DMXL1: variants seen among roughly 807,000 people sequenced by gnomAD.
The protein encoded by DMXL1 is Dmx like 1, also known as dmX-like protein 1.
Under a neutral mutation model 319.2 loss-of-function variants are expected in DMXL1, and 99 were observed. The observed-to-expected ratio is 0.31, with a 90% confidence interval of 0.26 to 0.37. DMXL1 has a LOEUF of 0.37. DMXL1 is among the 10% of genes least tolerant of loss of function. The probability of loss-of-function intolerance (pLI) is 1.00; values close to 1 mark genes in which losing one functional copy is unlikely to be tolerated. For missense variants in DMXL1, 3,745 were observed against 3,595.6 expected, an observed-to-expected ratio of 1.04 and a Z score of -1.06; for synonymous variants, 1,385 against 1,235.2, an observed-to-expected ratio of 1.12 and a Z score of -2.54.
chr5:119,101,305 GT>G (rs905538521), intron 2 of DMXL1, among the ~76,000 whole-genome samples: 11 of 149,126 alleles, frequency 7.4e-5, no homozygotes, highest in South Asian at 4.2e-4. Context: ...TACATCATAT[GT>G]TTTTTTTTCT....
intron 38 of DMXL1, among the ~76,000 whole-genome samples, chr5:119,226,658 A>G (rs1413318159): frequency 6.6e-6 from 1 of 152,130 alleles, no homozygotes; most frequent in African/African-American, 2.4e-5. Flanking sequence ...CTACAGGTTA[A>G]GGGCTCAGTC....
At position 119,150,424 on chromosome 5, in the gene DMXL1, A is replaced by G. The variant is rs755961985; in HGVS notation, c.4594+3A>G. 2.4e-5 allele frequency: 38 copies of G among 1,607,200 alleles called. No homozygotes were observed. The highest frequency in any genetic ancestry group is 3.1e-5 in the Non-Finnish European group (36 of 1,177,478). Reference sequence around the variant, plus strand: ...AGAAAGCCGAGACAGAAGCCAAGGTAAAACTAAACTCCGTACTGATAACAT... The same window carrying G: ...AGAAAGCCGAGACAGAAGCCAAGGTGAAACTAAACTCCGTACTGATAACAT... On this transcript the variant is annotated splice_donor_region_variant and intron_variant, in intron 18 of 43. Coordinates refer to ENST00000539542, the MANE Select transcript of DMXL1 (RefSeq NM_001290321.3).
intron 13 of DMXL1, among the ~76,000 whole-genome samples, chr5:119,141,509 C>G (rs971868115): frequency 1.3e-5 from 2 of 151,958 alleles, no homozygotes; most frequent in African/African-American, 4.8e-5. Flanking sequence ...CCAACTGCCA[C>G]AAAAAGAATA....
intron 32 of DMXL1, among the ~76,000 whole-genome samples, 177 bp downstream of exon 32, chr5:119,198,133 C>G (rs10900728): frequency 0.48 from 72,505 of 151,820 alleles, 19,214 homozygotes; most frequent in East Asian, 0.95. Context: ...GGATTACAGG[C>G]GCCTGCCACC....
At chr5:119,153,582 C>T (rs915398012) in intron 19 of DMXL1, among the ~76,000 whole-genome samples, 4 of 152,228 alleles carry the variant, frequency 2.6e-5, no homozygotes, top group Admixed American at 2.6e-4. Context: ...CCTTCTCATC[C>T]TGTCCCCAGC....
At chr5:119,224,061 C>G (rs1036388014) in intron 37 of DMXL1, among the ~76,000 whole-genome samples, 1 of 151,980 alleles carries the variant, frequency 6.6e-6, no homozygotes, top group African/African-American at 2.4e-5. Flanking sequence ...TTTCTCTGGC[C>G]TAGTCTCTGT....
intron 4 of DMXL1, among the ~76,000 whole-genome samples, chr5:119,107,905 C>A (rs570788335): frequency 1.3e-5 from 2 of 152,252 alleles, no homozygotes; most frequent in African/African-American, 4.8e-5. Flanking sequence ...CTAATCCTTA[C>A]AACAACTGTA....
rs1191269670 is a variant in DMXL1, at chr5:119,248,422, G to C, written c.*1203G>C. On this transcript the variant is annotated 3_prime_UTR_variant, in exon 44 of 44. Coordinates refer to ENST00000539542, the MANE Select transcript of DMXL1 (RefSeq NM_001290321.3). Reference sequence around the variant, plus strand: ...TGCTAACCCTGTTTCTGTCTGTTTTGTGCTGTACCTTTTCTGATTCAGAAT... The same window carrying C: ...TGCTAACCCTGTTTCTGTCTGTTTTCTGCTGTACCTTTTCTGATTCAGAAT... 1 of 152,318 alleles carries C rather than the reference G, an allele frequency of 6.6e-6. No homozygotes were observed. The highest frequency in any genetic ancestry group is 1.5e-5 in the Non-Finnish European group (1 of 67,896). 9.4% of individuals were successfully genotyped at this position (152,318 alleles called of 1,614,324 possible).
At position 119,132,955 on chromosome 5, in the gene DMXL1, A is replaced by G. The variant is rs967976478; in HGVS notation, c.1316-177A>G. ...TACTGGTTTACTTAAAGTATATTGC[A>G]AAGAATACGGATAAAGAGATGTGTA... On this transcript the variant is annotated intron_variant, in intron 10 of 43. Coordinates refer to ENST00000539542, the MANE Select transcript of DMXL1 (RefSeq NM_001290321.3). The G allele has an allele frequency of 1.2e-5, 8 of 641,792 alleles. No individual in the cohort carries two copies. The African/African-American group carries it at 1.3e-4, about 10-fold the overall frequency. The allele number at this position is 641,792 out of a possible 1,614,324, so 39.8% of individuals were successfully genotyped here.
At chr5:119,124,955 A>T (rs1298426068) in intron 9 of DMXL1, among the ~76,000 whole-genome samples, 1 of 152,232 alleles carries the variant, frequency 6.6e-6, no homozygotes, top group Non-Finnish European at 1.5e-5. Context: ...ACAGAGCTAC[A>T]AATTATAGAC....
At chr5:119,234,664 T>TGTTCAACCAAA in intron 39 of DMXL1, among the ~76,000 whole-genome samples, 2 of 152,172 alleles carry the variant, frequency 1.3e-5, no homozygotes, top group African/African-American at 2.4e-5. Flanking sequence ...ATTGTACTTT[T>TGTTCAACCAAA]AGTTGTATTC....
intron 26 of DMXL1, among the ~76,000 whole-genome samples, chr5:119,176,093 A>G (rs1775748924): frequency 6.6e-6 from 1 of 151,866 alleles, no homozygotes; most frequent in Non-Finnish European, 1.5e-5. Context: ...CCAAACACGG[A>G]TTCATTATTC....
intron 39 of DMXL1, among the ~76,000 whole-genome samples, chr5:119,234,083 T>C (rs976875254): frequency 1.3e-5 from 2 of 152,172 alleles, no homozygotes; most frequent in Non-Finnish European, 2.9e-5. Flanking sequence ...AAAATATTTA[T>C]TATGTGGCCA....
At chr5:119,080,031 T>G (rs913248776) in intron 1 of DMXL1, among the ~76,000 whole-genome samples, 8 of 152,210 alleles carry the variant, frequency 5.3e-5, no homozygotes, top group African/African-American at 1.9e-4. Context: ...AAATACCTCT[T>G]GGATTGTTCC....
At chr5:119,099,295 C>A (rs925479532) in intron 2 of DMXL1, among the ~76,000 whole-genome samples, 6 of 152,112 alleles carry the variant, frequency 3.9e-5, no homozygotes, top group African/African-American at 1.2e-4. Flanking sequence ...ACTGCAGCCT[C>A]TGGCTTCCGG....
intron 28 of DMXL1, among the ~76,000 whole-genome samples, chr5:119,186,036 T>TA (rs1777651071): frequency 1.3e-5 from 2 of 152,224 alleles, no homozygotes. Flanking sequence ...ACTGAGGACT[T>TA]AGACTGAATT....
At chr5:119,219,242 C>T (rs1486455073) in intron 35 of DMXL1, among the ~76,000 whole-genome samples, 2 of 152,120 alleles carry the variant, frequency 1.3e-5, no homozygotes, top group Non-Finnish European at 2.9e-5. Flanking sequence ...GTTTAGGGGA[C>T]CCAAATCTTT....
At chr5:119,206,216 A>G (rs990637322) in intron 33 of DMXL1, among the ~76,000 whole-genome samples, 27 of 152,098 alleles carry the variant, frequency 1.8e-4, no homozygotes, top group African/African-American at 4.3e-4. Flanking sequence ...ATTGTTCCCA[A>G]TTCCTTTTTC....
chr5:119,221,846 A>G (rs530049587), intron 37 of DMXL1, among the ~76,000 whole-genome samples: 1 of 152,076 alleles, frequency 6.6e-6, no homozygotes, highest in South Asian at 2.1e-4. Flanking sequence ...CAATATAATA[A>G]TGAACTGAAA....
Sources: gnomAD v4.1 joint callset for allele counts (sites outside exome capture counted in the v4.1 genomes callset) on GRCh38, gnomAD v4.1.1 for gene constraint, MANE v1.5 for transcripts, NCBI Gene and HGNC (gene_info 2026-07-23, HGNC 2026-07-21) for gene names.